Variants in LRP1B observed in about 807,000 individuals in gnomAD.
The protein encoded by LRP1B is LDL receptor related protein 1B, also known as low-density lipoprotein receptor-related protein 1B.
A neutral mutation model predicts 556.6 loss-of-function variants in LRP1B; 217 were observed. The observed-to-expected ratio is 0.39, with a 90% confidence interval of 0.35 to 0.44. The LOEUF (loss-of-function observed/expected upper bound fraction) is 0.44. Ranked by LOEUF, LRP1B falls within the 20% of genes least tolerant of loss-of-function variation. The pLI is 1.00. For synonymous variants in LRP1B, 2,047 were observed against 1,865.8 expected (o/e 1.10, Z -2.50); for missense variants, 5,053 against 5,620.8 (o/e 0.90, Z 3.23).
intron 1 of LRP1B, among the ~76,000 whole-genome samples, chr2:142,016,081 A>T (rs1287912405): frequency 2.0e-5 from 3 of 151,942 alleles, no homozygotes; most frequent in Non-Finnish European, 4.4e-5. Context: ...CATGAAAAAA[A>T]GCTCATCATC....
At chr2:141,013,498 T>C in intron 14 of LRP1B, 58 bp downstream of exon 14, 16 of 1,336,826 alleles carry the variant, frequency 1.2e-5, no homozygotes, top group South Asian at 4.6e-5. Context: ...CTTTTATAAC[T>C]TCTGTGAAGT....
At chr2:141,150,546 T>C (rs1701895467) in intron 7 of LRP1B, among the ~76,000 whole-genome samples, 1 of 152,192 alleles carries the variant, frequency 6.6e-6, no homozygotes, top group South Asian at 2.1e-4. Context: ...CAGCAATTTA[T>C]AAGTCCAATT....
intron 37 of LRP1B, among the ~76,000 whole-genome samples, chr2:140,711,273 A>G (rs2105450363): frequency 6.6e-6 from 1 of 152,082 alleles, no homozygotes; most frequent in East Asian, 1.9e-4. Context: ...CACTGCTGAC[A>G]TTCTATGGAA....
intron 7 of LRP1B, among the ~76,000 whole-genome samples, chr2:141,078,303 AT>A (rs35192825): frequency 0.84 from 127,570 of 151,204 alleles, 54,182 homozygotes; most frequent in Non-Finnish European, 0.89. Context: ...TGTCCAGTTC[AT>A]TTTTTTTTTC....
intron 7 of LRP1B, among the ~76,000 whole-genome samples, chr2:141,135,266 T>C (rs1009516556): frequency 2.0e-5 from 3 of 152,000 alleles, no homozygotes; most frequent in Admixed American, 1.3e-4. Context: ...GCACACAGAA[T>C]GGAAATCTTT....
At chr2:141,510,897 CACACACACACA>C (rs1428158416) in intron 2 of LRP1B, among the ~76,000 whole-genome samples, 7 of 59,586 alleles carry the variant, frequency 1.2e-4, no homozygotes, top group Admixed American at 6.9e-4. Context: ...CACACACACA[CACACACACACA>C]CCCCACACAA....
intron 41 of LRP1B, among the ~76,000 whole-genome samples, chr2:140,688,574 C>T (rs756957884): frequency 3.9e-5 from 6 of 152,174 alleles, no homozygotes; most frequent in Non-Finnish European, 5.9e-5. Flanking sequence ...GCAGAAGGTA[C>T]ACATTCTTCC....
chr2:141,687,696 T>C (rs1574242967), intron 2 of LRP1B, among the ~76,000 whole-genome samples: 1 of 152,050 alleles, frequency 6.6e-6, no homozygotes, highest in East Asian at 1.9e-4. Flanking sequence ...CCCTTGTGAT[T>C]ATGATATAGA....
intron 7 of LRP1B, among the ~76,000 whole-genome samples, chr2:141,182,164 A>G (rs1270529550): frequency 6.6e-6 from 1 of 152,014 alleles, no homozygotes; most frequent in Non-Finnish European, 1.5e-5. Context: ...TACTCATCCA[A>G]AAAAAGATAG....
chr2:141,105,926 A>T (rs1240094443), intron 7 of LRP1B, among the ~76,000 whole-genome samples: 1 of 152,126 alleles, frequency 6.6e-6, no homozygotes, highest in Non-Finnish European at 1.5e-5. Flanking sequence ...CTTAAAAAAA[A>T]AGCTGGTCAC....
chr2:140,881,278 G>A lies in LRP1B; in HGVS notation c.4169+2539C>T, dbSNP rs542814909. On this transcript the variant is annotated intron_variant, in intron 25 of 90. Coordinates refer to ENST00000389484, the MANE Select transcript of LRP1B (RefSeq NM_018557.3). ...AGTGTGTGTGTGTGTGTGTGTGTGC[G>A]TGTGTGTCTGCTTATTGTTGCTATG... Among the ~76,000 whole-genome samples, 23 of 151,804 alleles carry A rather than the reference G, an allele frequency of 1.5e-4. No homozygotes were observed. The South Asian group carries it at 3.4e-3, about 22-fold the overall frequency.
chr2:141,003,166 A>G (rs1697475014), intron 15 of LRP1B, among the ~76,000 whole-genome samples: 3 of 152,088 alleles, frequency 2.0e-5, no homozygotes, highest in Admixed American at 2.0e-4. Context: ...ACCTATAACA[A>G]TGCATCATAA....
At chr2:141,911,833 A>G (rs6429931) in intron 1 of LRP1B, among the ~76,000 whole-genome samples, 8,842 of 121,290 alleles carry the variant, frequency 0.073, 856 homozygotes, top group African/African-American at 0.23. Context: ...ACTGGTCTCA[A>G]TGCACACCTG....
At position 140,813,861 on chromosome 2, in the gene LRP1B, C is replaced by A. The variant is rs886503474; in HGVS notation, c.5210-55G>T. On this transcript the variant is annotated intron_variant, in intron 31 of 90. Transcript: ENST00000389484. ...ATGATAGCCACTTAAATTGTAATAT[C>A]CACCTAGCACCACTGGATTTGAGGG... 39 of 1,252,492 alleles carry A rather than the reference C, an allele frequency of 3.1e-5. No homozygotes were observed. The East Asian group carries it at 9.3e-4, about 30-fold the overall frequency. The allele number at this position is 1,252,492 out of a possible 1,614,324, so 77.6% of individuals were successfully genotyped here.
intron 1 of LRP1B, among the ~76,000 whole-genome samples, chr2:141,989,972 G>A (rs1702300685): frequency 6.6e-6 from 1 of 151,994 alleles, no homozygotes; most frequent in Admixed American, 6.6e-5. Flanking sequence ...TAGTTCATAA[G>A]CCATTTTATC....
intron 1 of LRP1B, among the ~76,000 whole-genome samples, chr2:142,108,492 A>T (rs1706840595): frequency 6.6e-6 from 1 of 152,228 alleles, no homozygotes; most frequent in Non-Finnish European, 1.5e-5. Context: ...CTCATGGGAA[A>T]AGAAAAGTCC....
intron 32 of LRP1B, among the ~76,000 whole-genome samples, chr2:140,781,117 G>A (rs966341191): frequency 1.3e-5 from 2 of 152,156 alleles, no homozygotes; most frequent in African/African-American, 2.4e-5. Flanking sequence ...GCATGGTACA[G>A]GGTCAGTAAA....
At chr2:140,543,994 C>G (rs1324013399) in intron 43 of LRP1B, among the ~76,000 whole-genome samples, 1 of 151,708 alleles carries the variant, frequency 6.6e-6, no homozygotes, top group Non-Finnish European at 1.5e-5. Context: ...TAAAACATTG[C>G]TAAGAGAAAT....
chr2:141,887,668 G>A (rs1376992014), intron 1 of LRP1B, among the ~76,000 whole-genome samples: 1 of 152,168 alleles, frequency 6.6e-6, no homozygotes, highest in Non-Finnish European at 1.5e-5. Context: ...TTCTAAATGA[G>A]ATGCACTTCC....
Sources: gnomAD v4.1 joint callset for allele counts (sites outside exome capture counted in the v4.1 genomes callset) on GRCh38, gnomAD v4.1.1 for gene constraint, MANE v1.5 for transcripts, NCBI Gene and HGNC (gene_info 2026-07-23, HGNC 2026-07-21) for gene names.